The following ZNF469 variants were observed in gnomAD, a reference collection of about 807,000 sequenced individuals.
ZNF469 encodes zinc finger protein 469.
Under a neutral mutation model 1.0 loss-of-function variants are expected in ZNF469, and 1 was observed. The observed-to-expected ratio is 1.00, with a 90% CI of 0.35 to 4.73. The LOEUF is 4.73. ZNF469 is among the 30% of genes most tolerant of loss of function. The pLI is 0.16. For missense variants in ZNF469, 6,100 were observed against 5,356.3 expected (o/e 1.14, Z -4.33); for synonymous variants, 2,703 against 2,363.4 (o/e 1.14, Z -4.17).
At chr16:88,379,506 G>C (rs368949630), upstream of ZNF469, among the ~76,000 whole-genome samples, 2 of 152,120 alleles carry the variant, frequency 1.3e-5, no homozygotes, top group African/African-American at 4.8e-5. Flanking sequence ...GCGCTGCCAG[G>C]GCCAGGCCAG....
At chr16:88,372,233 C>T in the ZNF469 span, among the ~76,000 whole-genome samples, 1 of 143,486 alleles carries the variant, frequency 7.0e-6, no homozygotes, top group Non-Finnish European at 1.5e-5. Context: ...ACTATCATCA[C>T]CATCACCATC....
the ZNF469 span, among the ~76,000 whole-genome samples, chr16:88,140,515 G>A: frequency 3.9e-5 from 6 of 152,288 alleles, no homozygotes; most frequent in East Asian, 1.9e-4. Context: ...CAGGCAGAAC[G>A]TGAGAGACGC....
chr16:88,275,425 G>A, the ZNF469 span, among the ~76,000 whole-genome samples: 1 of 152,174 alleles, frequency 6.6e-6, no homozygotes, highest in Non-Finnish European at 1.5e-5. Context: ...AGTTAGCTGG[G>A]GTGACGGGTG....
the ZNF469 span, among the ~76,000 whole-genome samples, chr16:88,362,616 A>G: frequency 6.6e-6 from 1 of 152,132 alleles, no homozygotes; most frequent in Admixed American, 6.5e-5. Context: ...ATTTCGTGGT[A>G]ATTTGGATCA....
At chr16:88,208,272 GC>G in the ZNF469 span, among the ~76,000 whole-genome samples, 1 of 151,700 alleles carries the variant, frequency 6.6e-6, no homozygotes, top group African/African-American at 2.4e-5. Flanking sequence ...AAGCTCATCT[GC>G]GCTTTCCCTG....
the ZNF469 span, among the ~76,000 whole-genome samples, chr16:88,314,306 G>A: frequency 2.0e-5 from 3 of 148,600 alleles, no homozygotes; most frequent in Non-Finnish European, 3.0e-5. Context: ...TTCAGGCAGT[G>A]CTGCTGTGGA....
At chr16:88,127,291 A>C in the ZNF469 span, among the ~76,000 whole-genome samples, 10 of 152,102 alleles carry the variant, frequency 6.6e-5, no homozygotes, top group Non-Finnish European at 1.0e-4. Context: ...TTTCTGAAGA[A>C]GTTTGTATGA....
chr16:88,438,088 G>A lies in ZNF469; in HGVS notation c.10618G>A (p.Gly3540Ser), dbSNP rs1221318208. Residue 3540 changes from glycine to serine, a missense_variant, in exon 3 of 3, where the codon GGT (glycine) becomes AGT (serine). Gly to Ser is a moderately conservative substitution (Grantham distance 56, BLOSUM62 0). Coordinates refer to ENST00000565624, the MANE Select transcript of ZNF469 (RefSeq NM_001367624.2). ...AGACCCCGTGACCCACCCGATCAGAGGTTGTGAGCTGCCATCCAACCACCA... is the reference window on the plus strand; with the variant it reads ...AGACCCCGTGACCCACCCGATCAGAAGTTGTGAGCTGCCATCCAACCACCA... The part of the protein sequence containing the change: ...PVDPVTHPIR[G>S]CELPSNHQEC... 1 of 1,550,436 alleles carries A rather than the reference G, an allele frequency of 6.4e-7. No individual in the cohort carries two copies. Among genetic ancestry groups the A allele is most frequent in the Non-Finnish European group, 8.7e-7 (1 of 1,146,964 alleles).
Position 88,432,464 on chromosome 16 carries a change from A to T in ZNF469, c.4994A>T (p.His1665Leu). Residue 1665 changes from histidine to leucine, a missense_variant, in exon 3 of 3, where the codon CAT (histidine) becomes CTT (leucine). Transcript: ENST00000565624. ...GGTWPCPASF[H>L]PGHAALLPCA... ...ACGTGGCCCTGCCCAGCCTCCTTCCATCCGGGACATGCAGCCCTTCTCCCC... is the reference window on the plus strand; with the variant it reads ...ACGTGGCCCTGCCCAGCCTCCTTCCTTCCGGGACATGCAGCCCTTCTCCCC... 1 of 1,550,296 alleles carries T rather than the reference A, an allele frequency of 6.5e-7. No individual in the cohort carries two copies. The highest frequency in any genetic ancestry group is 8.7e-7 in the Non-Finnish European group (1 of 1,146,956).
chr16:88,331,111 C>G, the ZNF469 span, among the ~76,000 whole-genome samples: 4 of 150,658 alleles, frequency 2.7e-5, no homozygotes, highest in African/African-American at 9.8e-5. Context: ...GTCACCATCG[C>G]CACCACCATC....
At position 88,394,996 on chromosome 16, in the gene ZNF469, T is replaced by C. The variant is rs185249935; in HGVS notation, c.-192+11742T>C. 2.4e-4 allele frequency among the ~76,000 whole-genome samples: 37 copies of C among 152,336 alleles called. No individual in the cohort carries two copies. The East Asian group carries it at 6.9e-3, about 29-fold the overall frequency. On this transcript the variant is annotated intron_variant, in intron 1 of 2. Transcript: ENST00000565624. ...GTTGCCCCCATCAGCCTCTCCACTC[T>C]GGGATCTGGGCTTTGCTGCCATGTC... is the stretch of plus-strand genomic sequence containing the variant.
At chr16:88,245,817 A>C in the ZNF469 span, among the ~76,000 whole-genome samples, 1 of 152,400 alleles carries the variant, frequency 6.6e-6, no homozygotes, top group Admixed American at 6.5e-5. Flanking sequence ...AACAAAGACC[A>C]GTGAGGAAGG....
rs1905978469 is a variant in ZNF469, at chr16:88,429,558, G to A, written c.2088G>A (p.Glu696=). ...CCCCATTCCCCCACGAGGGCCCCGA[G>A]GTGGGTCGGGGAGGGCTGCAGGGCT... ...EETPFPHEGP[E]VGRGGLQGFP... is the part of the protein sequence containing the mutation. Residue 696 remains glutamate (E), a synonymous_variant, in exon 3 of 3, where the codon GAG becomes GAA. Coordinates refer to ENST00000565624, the MANE Select transcript of ZNF469 (RefSeq NM_001367624.2). 2 of 1,550,110 alleles carry A rather than the reference G, an allele frequency of 1.3e-6. No individual in the cohort carries two copies. The highest frequency in any genetic ancestry group is 1.2e-5 in the South Asian group (1 of 84,056).
the ZNF469 span, among the ~76,000 whole-genome samples, chr16:88,193,345 A>G: frequency 1.2e-4 from 18 of 151,110 alleles, no homozygotes; most frequent in Non-Finnish European, 1.0e-4. Context: ...GGTGATGATA[A>G]GGATGATGAT....
the ZNF469 span, among the ~76,000 whole-genome samples, chr16:88,357,986 G>C: frequency 9.2e-5 from 14 of 152,238 alleles, no homozygotes; most frequent in Admixed American, 5.9e-4. Context: ...ATGTCCACTT[G>C]TCCTGGGAAG....
the ZNF469 span, among the ~76,000 whole-genome samples, chr16:88,336,658 C>T: frequency 6.6e-6 from 1 of 152,232 alleles, no homozygotes; most frequent in Non-Finnish European, 1.5e-5. Context: ...GTCCATCCTT[C>T]ACGTGAGACA....
At chr16:88,209,938 G>T in the ZNF469 span, among the ~76,000 whole-genome samples, 1 of 152,114 alleles carries the variant, frequency 6.6e-6, no homozygotes, top group Non-Finnish European at 1.5e-5. Flanking sequence ...GTAAATTCTA[G>T]TCATGAGATT....
upstream of ZNF469, among the ~76,000 whole-genome samples, chr16:88,379,025 G>A (rs2092515135): frequency 6.6e-6 from 1 of 152,300 alleles, no homozygotes; most frequent in East Asian, 1.9e-4. Context: ...CGCTGACCTC[G>A]AGTGCCAATG....
chr16:88,210,123 T>C, the ZNF469 span, among the ~76,000 whole-genome samples: 1 of 152,230 alleles, frequency 6.6e-6, no homozygotes, highest in Non-Finnish European at 1.5e-5. Flanking sequence ...GTAGCTCTGA[T>C]TGACATTTCT....
Sources: gnomAD v4.1 joint callset for allele counts (sites outside exome capture counted in the v4.1 genomes callset) on GRCh38, gnomAD v4.1.1 for gene constraint, MANE v1.5 for transcripts, NCBI Gene and HGNC (gene_info 2026-07-23, HGNC 2026-07-21) for gene names.